Variants in CUX1 observed in about 807,000 individuals in gnomAD.
The protein encoded by CUX1 is cut like homeobox 1.
CUX1 carries 31 observed loss-of-function variants against 158.8 expected under a neutral mutation model. That is an observed-to-expected ratio of 0.20 (90% CI 0.15 to 0.26). CUX1 has a LOEUF of 0.26. CUX1 is among the 10% of genes least tolerant of loss of function. The pLI is 1.00. For synonymous variants in CUX1, 879 were observed against 862.1 expected (o/e 1.02, Z -0.34); for missense variants, 1,589 against 2,014.6 (o/e 0.79, Z 4.04).
At chr7:102,035,072 TAAAA>T (rs55710671) in intron 3 of CUX1, among the ~76,000 whole-genome samples, 30 of 139,506 alleles carry the variant, frequency 2.2e-4, no homozygotes, top group Admixed American at 2.9e-4. Flanking sequence ...CCAGTGGTGG[TAAAA>T]AAAAAAAAAA....
intron 2 of CUX1, among the ~76,000 whole-genome samples, chr7:102,005,053 A>G (rs1284174008): frequency 6.6e-6 from 1 of 152,152 alleles, no homozygotes; most frequent in East Asian, 1.9e-4. Flanking sequence ...ATCTGCTGCT[A>G]TTGCAGGCAG....
In CUX1 at chr7:102,283,229, A is replaced by G. The variant is rs141097964; in HGVS notation, c.*139A>G. On this transcript the variant is annotated 3_prime_UTR_variant, in exon 23 of 23. Transcript: ENST00000292538. The stretch of plus-strand genomic sequence containing the variant: ...CTGTCCAGCAGCTGCCAGAGGCCCC[A>G]GGTCACCTCGGGTCCCCTTGAAAGA... 1.2e-3 allele frequency: 828 copies of G among 714,724 alleles called. 6 individuals carry two copies. In the East Asian group the frequency reaches 0.019, roughly 17 times the overall value. 44.3% of individuals were successfully genotyped at this position (714,724 alleles called of 1,614,324 possible). A position where few individuals can be genotyped will look rare whatever the true frequency, so the allele number is the denominator to read the frequency against.
intron 2 of CUX1, among the ~76,000 whole-genome samples, chr7:101,919,070 C>T (rs1379391059): frequency 2.0e-5 from 3 of 152,212 alleles, no homozygotes; most frequent in Non-Finnish European, 4.4e-5. Flanking sequence ...TGAGCCACCG[C>T]GCCCAGCCCT....
intron 2 of CUX1, among the ~76,000 whole-genome samples, chr7:101,923,043 G>T (rs1277806333): frequency 6.6e-6 from 1 of 152,264 alleles, no homozygotes; most frequent in Non-Finnish European, 1.5e-5. Flanking sequence ...TTTCCCGCGT[G>T]TGTGATTCCA....
intron 21 of CUX1, among the ~76,000 whole-genome samples, chr7:102,229,049 A>C (rs1554529684): frequency 1.3e-5 from 2 of 152,228 alleles, no homozygotes; most frequent in Non-Finnish European, 2.9e-5. Context: ...CCCGACTGGT[A>C]ATAATAGTCA....
Position 102,255,029 on chromosome 7 carries a change from G to C in CUX1, c.*5987G>C. On this transcript the variant is annotated 3_prime_UTR_variant, in exon 24 of 24. Coordinates refer to ENST00000292535, the MANE Select transcript of CUX1 (RefSeq NM_181552.4). ...GGGCTTAATCAGGACGGAAGAGGAG[G>C]GGGTGTGGGGGGCAGAGCGTAAAAC... The C allele has an allele frequency of 1.0e-6, 1 of 985,456 alleles. No homozygotes were observed. Among genetic ancestry groups the C allele is most frequent in the Non-Finnish European group, 1.2e-6 (1 of 829,978 alleles). The allele number at this position is 985,456 out of a possible 1,614,324, so 61.0% of individuals were successfully genotyped here. A position where few individuals can be genotyped will look rare whatever the true frequency, so the allele number is the denominator to read the frequency against.
At position 102,257,824 on chromosome 7, in the gene CUX1, TCA is replaced by T. The variant is rs1202703489; in HGVS notation, c.*8785_*8786del. ...AGAGCTTGTTTGTTCATCCTCACAA[TCA>T]CAGATTTTTTTCTCCAATCCTCACA... On this transcript the variant is annotated 3_prime_UTR_variant, in exon 24 of 24. Transcript: ENST00000292535. The T allele has an allele frequency of 1.0e-6, 1 of 981,362 alleles. No individual in the cohort carries two copies. Among genetic ancestry groups the T allele is most frequent in the Non-Finnish European group, 1.2e-6 (1 of 829,382 alleles). 60.8% of individuals were successfully genotyped at this position (981,362 alleles called of 1,614,324 possible). A position where few individuals can be genotyped will look rare whatever the true frequency, so the allele number is the denominator to read the frequency against.
intron 2 of CUX1, among the ~76,000 whole-genome samples, chr7:101,999,339 AGCCACCGC>A (rs1816394601): frequency 6.8e-6 from 1 of 146,478 alleles, no homozygotes; most frequent in South Asian, 2.2e-4. Context: ...TACAGGCATG[AGCCACCGC>A]GCCTGGCCGA....
chr7:102,280,030 T>A, intron 18 of CUX1: 1 of 1,595,960 alleles, frequency 6.3e-7, no homozygotes, highest in Non-Finnish European at 8.6e-7. Flanking sequence ...CCTCCCTGTC[T>A]GTGCAGGGCA....
intron 14 of CUX1, 75 bp from the exon 15 acceptor site, chr7:102,196,557 CTT>C: frequency 2.2e-6 from 3 of 1,365,610 alleles, no homozygotes; most frequent in Non-Finnish European, 2.9e-6. Flanking sequence ...CGGGGGCAAA[CTT>C]TTGCATTTTG....
At chr7:102,149,667 C>A (rs1441267666) in intron 8 of CUX1, among the ~76,000 whole-genome samples, 1 of 152,186 alleles carries the variant, frequency 6.6e-6, no homozygotes, top group Non-Finnish European at 1.5e-5. Context: ...AGTAATCTTG[C>A]CCTGGCTCGC....
chr7:102,108,004 TA>T (rs1291221689), intron 6 of CUX1, among the ~76,000 whole-genome samples: 2 of 152,224 alleles, frequency 1.3e-5, no homozygotes, highest in African/African-American at 4.8e-5. Context: ...ACCCCGTTGA[TA>T]CGGATTTGGT....
chr7:102,237,893 A>G (rs12539258), intron 22 of CUX1, among the ~76,000 whole-genome samples: 30,628 of 114,172 alleles, frequency 0.27, 3,730 homozygotes, highest in Non-Finnish European at 0.36. Flanking sequence ...CGTGGGTCAC[A>G]TGTCCACTGG....
At chr7:102,059,631 CAAAAAA>C (rs747660590) in intron 3 of CUX1, among the ~76,000 whole-genome samples, 10 of 88,222 alleles carry the variant, frequency 1.1e-4, no homozygotes, top group African/African-American at 7.9e-5. Context: ...GACTTCATCT[CAAAAAA>C]AAAAAAAAAA....
intron 1 of CUX1, among the ~76,000 whole-genome samples, chr7:101,847,684 T>A (rs774608909): frequency 2.0e-5 from 3 of 151,500 alleles, no homozygotes; most frequent in African/African-American, 7.3e-5. Flanking sequence ...CCTCAGGTGA[T>A]CCTCTGGCCT....
intron 1 of CUX1, among the ~76,000 whole-genome samples, chr7:101,829,891 A>C (rs986923103): frequency 9.5e-5 from 14 of 148,022 alleles, no homozygotes; most frequent in Non-Finnish European, 4.6e-5. Context: ...TGCATTACTC[A>C]CTATCCTCAG....
At chr7:102,145,932 G>A (rs1834979899) in intron 8 of CUX1, among the ~76,000 whole-genome samples, 1 of 152,136 alleles carries the variant, frequency 6.6e-6, no homozygotes, top group African/African-American at 2.4e-5. Flanking sequence ...GGGCAGTAGA[G>A]CAAGACTCCA....
intron 20 of CUX1, among the ~76,000 whole-genome samples, chr7:102,223,883 C>T (rs996410523): frequency 3.9e-5 from 6 of 152,188 alleles, no homozygotes; most frequent in East Asian, 3.9e-4. Context: ...GCAGGAGAAT[C>T]GTTTGAACCC....
At chr7:102,058,537 C>A (rs1396462764) in intron 3 of CUX1, among the ~76,000 whole-genome samples, 4 of 152,052 alleles carry the variant, frequency 2.6e-5, no homozygotes, top group Non-Finnish European at 5.9e-5. Context: ...CCTTTCTCAG[C>A]CTCCCAAAGT....
Sources: gnomAD v4.1 joint callset for allele counts (sites outside exome capture counted in the v4.1 genomes callset) on GRCh38, gnomAD v4.1.1 for gene constraint, MANE v1.5 for transcripts, NCBI Gene and HGNC (gene_info 2026-07-23, HGNC 2026-07-21) for gene names.